CEP135: variants seen among roughly 807,000 people sequenced by gnomAD.
The protein encoded by CEP135 is centrosomal protein of 135 kDa.
A neutral mutation model predicts 157.3 loss-of-function variants in CEP135; 142 were observed. The ratio of observed to expected loss-of-function variants is 0.90; its 90% CI spans 0.79 to 1.04. The LOEUF (loss-of-function observed/expected upper bound fraction) is 1.04. Ranked by LOEUF, CEP135 falls within the 50% of genes least tolerant of loss-of-function variation. CEP135 has a pLI of 0.00. For missense variants in CEP135, 1,317 were observed against 1,309.2 expected (o/e 1.01, Z -0.09); for synonymous variants, 396 against 439.8 (o/e 0.90, Z 1.25).
chr4:55,995,259 T>A (rs1007116731), intron 15 of CEP135, among the ~76,000 whole-genome samples: 2 of 152,212 alleles, frequency 1.3e-5, no homozygotes, highest in African/African-American at 4.8e-5. Flanking sequence ...TTTTTTTCCT[T>A]GTAAATAGAC....
At chr4:56,027,322 A>G (rs1731187034) in intron 25 of CEP135, among the ~76,000 whole-genome samples, 1 of 152,218 alleles carries the variant, frequency 6.6e-6, no homozygotes, top group African/African-American at 2.4e-5. Context: ...ACTGCCTATT[A>G]GTGTAAATTA....
At chr4:56,024,432 A>G (rs1731081821) in intron 24 of CEP135, 69 bp from the exon 25 acceptor site, 1 of 1,067,592 alleles carries the variant, frequency 9.4e-7, no homozygotes, top group South Asian at 1.3e-5. Flanking sequence ...TAACTCTTAT[A>G]TTTGTTTGCC....
intron 6 of CEP135, among the ~76,000 whole-genome samples, chr4:55,963,497 G>A (rs1172883847): frequency 6.6e-6 from 1 of 152,226 alleles, no homozygotes; most frequent in African/African-American, 2.4e-5. Flanking sequence ...TATAATCCCA[G>A]CACTTTGGGA....
intron 9 of CEP135, 144 bp from the exon 10 acceptor site, chr4:55,971,126 C>G: frequency 2.1e-6 from 1 of 465,382 alleles, no homozygotes; most frequent in Middle Eastern, 6.0e-4. Context: ...TTAATTGAAA[C>G]CTTATATTTG....
intron 19 of CEP135, 118 bp downstream of exon 19, chr4:56,010,021 T>C (rs1730515987): frequency 9.3e-7 from 1 of 1,079,026 alleles, no homozygotes; most frequent in Non-Finnish European, 1.3e-6. Flanking sequence ...CATAAATAAT[T>C]CATTAAGGAC....
intron 1 of CEP135, among the ~76,000 whole-genome samples, chr4:55,951,843 TTTG>T (rs1422037694): frequency 3.3e-5 from 5 of 152,222 alleles, no homozygotes; most frequent in African/African-American, 1.2e-4. Context: ...AGGAAAAATC[TTTG>T]TTTTCTCCTA....
chr4:55,969,040 C>G (rs1728930976), intron 8 of CEP135, 23 bp from the exon 9 acceptor site: 1 of 1,578,700 alleles, frequency 6.3e-7, no homozygotes, highest in East Asian at 2.2e-5. Flanking sequence ...TAAGTATATA[C>G]CTAATAGGCT....
intron 17 of CEP135, among the ~76,000 whole-genome samples, chr4:56,001,360 C>A (rs1197011800): frequency 6.6e-6 from 1 of 152,122 alleles, no homozygotes; most frequent in African/African-American, 2.4e-5. Context: ...ATTTCCCCAA[C>A]ATTTTCTTCT....
intron 24 of CEP135, among the ~76,000 whole-genome samples, chr4:56,023,704 A>G (rs1423903816): frequency 2.1e-5 from 3 of 143,644 alleles, no homozygotes; most frequent in Non-Finnish European, 4.5e-5. Flanking sequence ...TATATAATAT[A>G]CTGTATATTA....
intron 14 of CEP135, among the ~76,000 whole-genome samples, chr4:55,989,820 C>T (rs772124795): frequency 6.6e-5 from 10 of 152,184 alleles, no homozygotes; most frequent in African/African-American, 1.2e-4. Context: ...ATATGTGTAG[C>T]TCCTAGGAGT....
chr4:55,961,741 G>T (rs1728685135), intron 6 of CEP135, among the ~76,000 whole-genome samples: 1 of 126,444 alleles, frequency 7.9e-6, no homozygotes, highest in Non-Finnish European at 1.6e-5. Flanking sequence ...TCCAGCCTGG[G>T]CAACAAGAGC....
intron 14 of CEP135, among the ~76,000 whole-genome samples, chr4:55,991,161 A>G (rs1338658741): frequency 6.6e-6 from 1 of 151,952 alleles, no homozygotes; most frequent in Non-Finnish European, 1.5e-5. Flanking sequence ...ATTTTTTCGT[A>G]GGGATGGGGT....
chr4:55,994,952 C>T (rs1729919908), intron 15 of CEP135, among the ~76,000 whole-genome samples: 1 of 152,170 alleles, frequency 6.6e-6, no homozygotes, highest in Non-Finnish European at 1.5e-5. Context: ...TCCCAAAGTG[C>T]TGGGATTACA....
At chr4:56,024,959 G>A (rs957117237) in intron 25 of CEP135, among the ~76,000 whole-genome samples, 41 of 151,914 alleles carry the variant, frequency 2.7e-4, no homozygotes, top group African/African-American at 8.5e-4. Context: ...GCAACACAGT[G>A]AGACCTCCAC....
At chr4:55,967,819 T>C (rs549825807) in intron 8 of CEP135, among the ~76,000 whole-genome samples, 1 of 152,228 alleles carries the variant, frequency 6.6e-6, no homozygotes, top group East Asian at 1.9e-4. Flanking sequence ...CAACAAACAA[T>C]CATACTCAGT....
At chr4:55,968,954 A>T in intron 8 of CEP135, 109 bp from the exon 9 acceptor site, 1 of 693,952 alleles carries the variant, frequency 1.4e-6, no homozygotes, top group Non-Finnish European at 2.3e-6. Context: ...CTCAGATCTC[A>T]CTGGTAAGAG....
At chr4:55,991,813 T>C in intron 14 of CEP135, 121 bp from the exon 15 acceptor site, 1 of 637,364 alleles carries the variant, frequency 1.6e-6, no homozygotes, top group Non-Finnish European at 2.5e-6. Flanking sequence ...ACTTATAAAG[T>C]TTTTTTAAAA....
At chr4:56,022,477 G>C (rs937583065) in intron 24 of CEP135, among the ~76,000 whole-genome samples, 2 of 152,212 alleles carry the variant, frequency 1.3e-5, no homozygotes, top group Non-Finnish European at 2.9e-5. Flanking sequence ...GACATAAGCA[G>C]TGTATTAAAA....
chr4:56,002,851 G>T (rs1295954977), intron 17 of CEP135, among the ~76,000 whole-genome samples: 1 of 152,086 alleles, frequency 6.6e-6, no homozygotes, highest in African/African-American at 2.4e-5. Context: ...GAAGCCATTA[G>T]GTCCTGGACT....
Sources: allele counts gnomAD v4.1 joint callset (sites outside exome capture counted in the v4.1 genomes callset), GRCh38; gene constraint gnomAD v4.1.1; transcripts MANE v1.5; gene names NCBI Gene and HGNC (gene_info 2026-07-23, HGNC 2026-07-21).